The following IFT88 variants were observed in gnomAD, a reference collection of about 807,000 sequenced individuals.
IFT88 encodes the protein intraflagellar transport 88.
In IFT88, 74 loss-of-function variants were observed where a neutral mutation model predicts 119.5. The ratio of observed to expected loss-of-function variants is 0.62; its 90% CI spans 0.51 to 0.75. The LOEUF (loss-of-function observed/expected upper bound fraction) is 0.75, where lower values mean the gene tolerates loss of function less well. IFT88 is among the 30% of genes least tolerant of loss of function. The pLI, the probability that IFT88 is intolerant of heterozygous loss-of-function variation, is 0.00. For missense variants in IFT88, 961 were observed against 977.7 expected (o/e 0.98, Z 0.23); for synonymous variants, 279 against 316.7 (o/e 0.88, Z 1.26).
chr13:20,580,151 A>G (rs2038265890), intron 2 of IFT88, among the ~76,000 whole-genome samples: 4 of 152,220 alleles, frequency 2.6e-5, no homozygotes, highest in Admixed American at 2.6e-4. Flanking sequence ...CATCATAAGC[A>G]GTGTCTCATG....
At chr13:20,626,880 T>A (rs932900240) in intron 15 of IFT88, among the ~76,000 whole-genome samples, 4 of 152,180 alleles carry the variant, frequency 2.6e-5, no homozygotes, top group African/African-American at 9.7e-5. Context: ...TCTTCCCAGT[T>A]AGATCCAGAG....
At chr13:20,627,732 A>G (rs888983809) in intron 15 of IFT88, among the ~76,000 whole-genome samples, 1,853 of 6,894 alleles carry the variant, frequency 0.27, 30 homozygotes, top group African/African-American at 0.36. Flanking sequence ...CTTCATCTCA[A>G]AAAAAAAAAA....
At chr13:20,669,585 G>A (rs1463273369) in intron 23 of IFT88, among the ~76,000 whole-genome samples, 5 of 151,834 alleles carry the variant, frequency 3.3e-5, no homozygotes, top group South Asian at 2.1e-4. Context: ...CACCACACCC[G>A]GCTAATTTTT....
intron 24 of IFT88, among the ~76,000 whole-genome samples, chr13:20,683,141 A>T (rs1469978185): frequency 6.6e-6 from 1 of 152,122 alleles, no homozygotes; most frequent in Non-Finnish European, 1.5e-5. Flanking sequence ...TCCTTTTTCT[A>T]ATTGTTCAGT....
intron 9 of IFT88, among the ~76,000 whole-genome samples, chr13:20,597,745 CAAAA>C (rs1174154005): frequency 6.4e-5 from 9 of 140,846 alleles, no homozygotes; most frequent in Non-Finnish European, 1.2e-4. Context: ...GACTCCGTCT[CAAAA>C]AAAAAATATA....
intron 16 of IFT88, among the ~76,000 whole-genome samples, chr13:20,637,989 A>G (rs1249409531): frequency 3.9e-5 from 6 of 152,224 alleles, no homozygotes; most frequent in African/African-American, 1.4e-4. Context: ...CAAGAAGGGT[A>G]GTGCTTTTGT....
intron 24 of IFT88, among the ~76,000 whole-genome samples, chr13:20,690,491 G>A (rs2058368848): frequency 6.6e-6 from 1 of 152,132 alleles, no homozygotes; most frequent in South Asian, 2.1e-4. Context: ...TACATATACA[G>A]ACTACTCTTA....
chr13:20,570,213 G>C (rs1232558061), intron 1 of IFT88, among the ~76,000 whole-genome samples: 1 of 152,088 alleles, frequency 6.6e-6, no homozygotes, highest in Non-Finnish European at 1.5e-5. Context: ...ATCAAAAACA[G>C]GAACAGTAAC....
chr13:20,616,418 A>T (rs563812861), intron 14 of IFT88, among the ~76,000 whole-genome samples: 2 of 152,328 alleles, frequency 1.3e-5, no homozygotes, highest in African/African-American at 2.4e-5. Flanking sequence ...CCATATTTTA[A>T]TTGTACCTTT....
At position 20,656,373 on chromosome 13, in the gene IFT88, CA is replaced by C; in HGVS notation, c.2016del (p.Ala673HisfsTer2). ...CTCTTGTTTGTTTATAGGTAACTAC[CA>C]AAAAGCATTAGATACTTACAAAGAT... is the stretch of plus-strand genomic sequence containing the variant. ...ASCFRRSGNY[Q>X]KALDTYKDTH... On this transcript the variant is annotated frameshift_variant, in exon 22 of 26. Coordinates refer to ENST00000351808, the MANE Select transcript of IFT88 (RefSeq NM_006531.5). LOFTEE classifies it high-confidence loss of function. 10 of 1,455,892 alleles carry C rather than the reference CA, an allele frequency of 6.9e-6. No homozygotes were observed. The highest frequency in any genetic ancestry group is 9.4e-6 in the Non-Finnish European group (10 of 1,063,406). The allele number at this position is 1,455,892 out of a possible 1,614,324, so 90.2% of individuals were successfully genotyped here.
At chr13:20,569,514 A>T (rs1484670385) in intron 1 of IFT88, among the ~76,000 whole-genome samples, 1 of 151,636 alleles carries the variant, frequency 6.6e-6, no homozygotes, top group Non-Finnish European at 1.5e-5. Context: ...CGGAGCTTTC[A>T]GTGAGCCGAG....
At chr13:20,569,544 G>A (rs1301204422) in intron 1 of IFT88, among the ~76,000 whole-genome samples, 1 of 151,062 alleles carries the variant, frequency 6.6e-6, no homozygotes, top group African/African-American at 2.4e-5. Flanking sequence ...CTGCACTCCA[G>A]CCTGGGTGAC....
rs375150650 is a variant in IFT88, at chr13:20,591,636, A to T, written c.283A>T (p.Met95Leu). Reference sequence around the variant, plus strand: ...TTTAAAGGATGGAGTTACTAGACCCATGACAGCAGTGAGAGCAGCTGGTTT... The same window carrying T: ...TTTAAAGGATGGAGTTACTAGACCCTTGACAGCAGTGAGAGCAGCTGGTTT... ...GAIQDGVTRP[M>L]TAVRAAGFTK... The change falls in exon 6 of 26, where the codon ATG becomes TTG. Residue 95 changes from methionine to leucine, a missense_variant. By Grantham distance (15) the Met-to-Leu change is conservative. Transcript: ENST00000351808. 6 of 1,612,698 alleles carry T rather than the reference A, an allele frequency of 3.7e-6. No individual in the cohort carries two copies. The Admixed American group carries it at 6.7e-5, about 18-fold the overall frequency.
At chr13:20,630,957 C>A (rs2048112814) in intron 15 of IFT88, 59 bp from the exon 16 acceptor site, 1 of 1,101,698 alleles carries the variant, frequency 9.1e-7, no homozygotes, top group Non-Finnish European at 1.4e-6. Context: ...TTTCCCCGAC[C>A]ATAAGCTTGA....
At chr13:20,682,973 GGAA>G (rs2141205952) in intron 24 of IFT88, among the ~76,000 whole-genome samples, 1 of 152,274 alleles carries the variant, frequency 6.6e-6, no homozygotes, top group South Asian at 2.1e-4. Context: ...CCAATTTTTA[GGAA>G]TCATAGTAGG....
At chr13:20,595,145 T>C (rs1290069777) in intron 7 of IFT88, among the ~76,000 whole-genome samples, 3 of 152,188 alleles carry the variant, frequency 2.0e-5, no homozygotes, top group Admixed American at 6.5e-5. Flanking sequence ...ACGCCTATAG[T>C]GTCAACTACT....
chr13:20,644,895 A>AT lies in IFT88; in HGVS notation c.1888dup (p.Tyr630LeufsTer3). On this transcript the variant is annotated frameshift_variant, in exon 20 of 26. Coordinates refer to ENST00000351808, the MANE Select transcript of IFT88 (RefSeq NM_006531.5). LOFTEE classifies it high-confidence loss of function. ...GAAGTCATTGAGTGGCTTGGAGCCTATTACATTGACACCCAATTTTGGGAA... is the reference window on the plus strand; with the variant it reads ...GAAGTCATTGAGTGGCTTGGAGCCTATTTACATTGACACCCAATTTTGGGAA... 1 of 1,607,258 alleles carries AT rather than the reference A, an allele frequency of 6.2e-7. No homozygotes were observed. The highest frequency in any genetic ancestry group is 8.5e-7 in the Non-Finnish European group (1 of 1,175,294).
At chr13:20,671,144 G>A in intron 24 of IFT88, 105 bp downstream of exon 24, 1 of 861,850 alleles carries the variant, frequency 1.2e-6, no homozygotes, top group Admixed American at 2.4e-5. Flanking sequence ...GTGTCTGTCG[G>A]TTTGTTCTAT....
chr13:20,649,471 TACTAAA>T (rs908906146), intron 20 of IFT88, among the ~76,000 whole-genome samples: 2 of 152,086 alleles, frequency 1.3e-5, no homozygotes, highest in African/African-American at 4.8e-5. Context: ...AAACACAATG[TACTAAA>T]ACTTACAAGA....
Sources: gnomAD v4.1 joint callset for allele counts (sites outside exome capture counted in the v4.1 genomes callset) on GRCh38, gnomAD v4.1.1 for gene constraint, MANE v1.5 for transcripts, NCBI Gene and HGNC (gene_info 2026-07-23, HGNC 2026-07-21) for gene names.